The following SPI1 variants were observed in gnomAD, a reference collection of about 807,000 sequenced individuals.
The protein encoded by SPI1 is Spi-1 proto-oncogene.
Under a neutral mutation model 30.7 loss-of-function variants are expected in SPI1, and 3 were observed. The observed-to-expected ratio is 0.10, with a 90% CI of 0.04 to 0.25. The LOEUF (loss-of-function observed/expected upper bound fraction) is 0.25. Among genes scored for constraint, SPI1 ranks in the 10% least tolerant of loss-of-function variants. The pLI is 1.00. For synonymous variants in SPI1, 169 were observed against 157.1 expected, an observed-to-expected ratio of 1.08 and a Z score of -0.56; for missense variants, 261 against 371.5, an observed-to-expected ratio of 0.70 and a Z score of 2.45.
intron 2 of SPI1, among the ~76,000 whole-genome samples, chr11:47,362,781 G>A (rs766854529): frequency 2.6e-5 from 4 of 151,698 alleles, no homozygotes; most frequent in Non-Finnish European, 5.9e-5. Context: ...TCACTATATT[G>A]GCCAGGCTGG....
chr11:47,358,786 GGGGCAGGGCACAGACAC>G (rs2095916180), intron 4 of SPI1, 41 bp downstream of exon 4: 1 of 1,520,878 alleles, frequency 6.6e-7, no homozygotes, highest in Non-Finnish European at 8.9e-7. Flanking sequence ...TGGCTGGGTG[GGGGCAGGGCACAGACAC>G]GGCCAGGGTC....
At chr11:47,372,381 CG>C (rs1286777108) in intron 2 of SPI1, among the ~76,000 whole-genome samples, 1 of 182 alleles carries the variant, frequency 5.5e-3, no homozygotes. Context: ...TGAGCCACCA[CG>C]CCCCAGCCTA....
At chr11:47,358,677 CAGAG>C (rs1213009892) in intron 4 of SPI1, 163 bp downstream of exon 4, 7 of 750,706 alleles carry the variant, frequency 9.3e-6, no homozygotes, top group Non-Finnish European at 9.3e-6. Flanking sequence ...TACACACACA[CAGAG>C]ACAGCCACAG....
chr11:47,357,371 C>A (rs2095912819), intron 4 of SPI1, among the ~76,000 whole-genome samples: 1 of 148,440 alleles, frequency 6.7e-6, no homozygotes, highest in Non-Finnish European at 1.5e-5. Flanking sequence ...ACACTTGCAC[C>A]TCACACCTGC....
At position 47,375,613 on chromosome 11, in the gene SPI1, G is replaced by A. The variant is rs757473302; in HGVS notation, c.142+20C>T. ...CCAGGCTGGGCTGGGGGATGGGGGC[G>A]TGGCAGGCCCCGTACTCACCGCTAT... On this transcript the variant is annotated intron_variant, in intron 2 of 4. Transcript: ENST00000378538. The surrounding 1 kb of genome is among the most constrained non-coding windows in gnomAD (Gnocchi z 4.2). 9.4e-6 allele frequency: 15 copies of A among 1,592,984 alleles called. No homozygotes were observed. The highest frequency in any genetic ancestry group is 6.7e-5 in the Admixed American group (4 of 59,948).
At chr11:47,356,567 C>T (rs1054884303) in intron 4 of SPI1, among the ~76,000 whole-genome samples, 1 of 151,700 alleles carries the variant, frequency 6.6e-6, no homozygotes, top group African/African-American at 2.4e-5. Flanking sequence ...TGTTCACACA[C>T]CTGCTCATAC....
chr11:47,377,801 C>G (rs771249011), intron 1 of SPI1, among the ~76,000 whole-genome samples: 8 of 152,256 alleles, frequency 5.3e-5, no homozygotes, highest in Non-Finnish European at 1.2e-4. Flanking sequence ...GGTCAACAAT[C>G]ATGTCCTCTG....
In SPI1 at chr11:47,376,569, G is replaced by A. The variant is rs148548574; in HGVS notation, c.46-840C>T. The stretch of plus-strand genomic sequence containing the variant: ...CCCTCCTCACTGCATCCCCCTCCCC[G>A]TCTCCTTTGCTTCCTCCTCCCCCTC... On this transcript the variant is annotated intron_variant, in intron 1 of 4. Transcript: ENST00000378538. 8.9e-3 allele frequency among the ~76,000 whole-genome samples: 1,140 copies of A among 127,948 alleles called. 4 individuals carry two copies. Among genetic ancestry groups the A allele is most frequent in the Admixed American group, 0.017 (199 of 11,912 alleles). The allele number at this position is 127,948 out of a possible 152,430, so 83.9% of individuals were successfully genotyped here.
intron 4 of SPI1, among the ~76,000 whole-genome samples, chr11:47,355,894 C>A (rs1174014048): frequency 6.6e-6 from 1 of 151,472 alleles, no homozygotes; most frequent in African/African-American, 2.4e-5. Context: ...CACACCCACT[C>A]ACACACGTGC....
chr11:47,356,561 C>T (rs1007071586), intron 4 of SPI1, among the ~76,000 whole-genome samples: 1 of 151,674 alleles, frequency 6.6e-6, no homozygotes, highest in Non-Finnish European at 1.5e-5. Context: ...CACTCATGTT[C>T]ACACACCTGC....
At chr11:47,360,400 C>G (rs1021927009) in intron 2 of SPI1, among the ~76,000 whole-genome samples, 1 of 152,164 alleles carries the variant, frequency 6.6e-6, no homozygotes, top group African/African-American at 2.4e-5. Context: ...TGTGGCCTCT[C>G]TAACCTCAGT....
chr11:47,360,378 C>G (rs1240762621), intron 2 of SPI1, among the ~76,000 whole-genome samples: 1 of 152,088 alleles, frequency 6.6e-6, no homozygotes. Flanking sequence ...GCTGTGTGAC[C>G]TCAGGCACAT....
At position 47,359,438 on chromosome 11, in the gene SPI1, G is replaced by A. The variant is rs1458752397; in HGVS notation, c.330+415C>T. Among the ~76,000 whole-genome samples, 1 of 152,084 alleles carries A rather than the reference G, an allele frequency of 6.6e-6. No homozygotes were observed. Among genetic ancestry groups the A allele is most frequent in the East Asian group, 1.9e-4 (1 of 5,186 alleles). On this transcript the variant is annotated intron_variant, in intron 3 of 4. Coordinates refer to ENST00000378538, the MANE Select transcript of SPI1 (RefSeq NM_003120.3). The surrounding 1 kb of genome is among the most constrained non-coding windows in gnomAD (Gnocchi z 5.1). ...CCTGGAGGTCAGTAGGGGTGGTAGAGGTCAGCAGAGGTCACTGATCCGGGT... is the reference window on the plus strand; with the variant it reads ...CCTGGAGGTCAGTAGGGGTGGTAGAAGTCAGCAGAGGTCACTGATCCGGGT...
rs1463679715 is a variant in SPI1 at position 47,355,188 on chromosome 11, A to C, written c.*39T>G. 25 of 1,302,282 alleles carry C rather than the reference A, an allele frequency of 1.9e-5. No homozygotes were observed. Among genetic ancestry groups the C allele is most frequent in the Non-Finnish European group, 2.1e-5 (22 of 1,028,108 alleles). 80.7% of individuals were successfully genotyped at this position (1,302,282 alleles called of 1,614,324 possible). On this transcript the variant is annotated 3_prime_UTR_variant, in exon 5 of 5. Transcript: ENST00000378538. ...CGGGCGAGGGCTTAATGCTATGGCC[A>C]GCGGGGAGGCCTGGCGGGGCCCGGC... is the stretch of plus-strand genomic sequence containing the variant.
chr11:47,370,518 A>G (rs1233801169), intron 2 of SPI1, among the ~76,000 whole-genome samples: 4 of 151,584 alleles, frequency 2.6e-5, no homozygotes, highest in African/African-American at 7.3e-5. Flanking sequence ...CCTGGCCAAC[A>G]TGGCGAAACC....
chr11:47,356,645 GC>G (rs1280946215), intron 4 of SPI1, among the ~76,000 whole-genome samples: 10 of 151,064 alleles, frequency 6.6e-5, no homozygotes, highest in African/African-American at 2.2e-4. Flanking sequence ...AAACACACCT[GC>G]TTACACATCT....
rs200729695 is a variant in SPI1 at position 47,378,367 on chromosome 11, G to A, written c.-14C>T. 28 of 1,610,758 alleles carry A rather than the reference G, an allele frequency of 1.7e-5. No individual in the cohort carries two copies. The Middle Eastern group carries it at 6.6e-4, about 38-fold the overall frequency. ...CGCCTGTAACATCCAGCCGGGCTCC[G>A]AGTCGGTCAGATCCCCTGCCTCGGT... On this transcript the variant is annotated 5_prime_UTR_variant, in exon 1 of 5. Transcript: ENST00000378538.
intron 4 of SPI1, 104 bp downstream of exon 4, chr11:47,358,740 C>CAT (rs1565637756): frequency 1.7e-6 from 2 of 1,158,754 alleles, no homozygotes; most frequent in Non-Finnish European, 2.5e-6. Context: ...CACACACACA[C>CAT]GCGACTCGGT....
At chr11:47,361,115 C>T (rs1463487558) in intron 2 of SPI1, among the ~76,000 whole-genome samples, 1 of 151,728 alleles carries the variant, frequency 6.6e-6, no homozygotes, top group Non-Finnish European at 1.5e-5. Context: ...AGCGAGACTC[C>T]GTCTCAAAAA....
Sources: allele counts gnomAD v4.1 joint callset (sites outside exome capture counted in the v4.1 genomes callset), GRCh38; gene constraint gnomAD v4.1.1; non-coding constraint Gnocchi (gnomAD v3.1); transcripts MANE v1.5; gene names NCBI Gene and HGNC (gene_info 2026-07-23, HGNC 2026-07-21).